Variants in SNX24 observed in about 807,000 individuals in gnomAD.
SNX24 encodes the protein sorting nexin 24.
In SNX24, 22 loss-of-function variants were observed where a neutral mutation model predicts 28.7. The observed-to-expected ratio is 0.77, with a 90% CI of 0.55 to 1.10. SNX24 has a LOEUF of 1.10. Ranked by LOEUF, SNX24 falls within the 50% of genes least tolerant of loss-of-function variation. The pLI is 0.00. For synonymous variants in SNX24, 69 were observed against 71.5 expected (o/e 0.96, Z 0.18); for missense variants, 221 against 201.1 (o/e 1.10, Z -0.60).
chr5:123,019,871 T>C (rs1316402342), intron 5 of SNX24, among the ~76,000 whole-genome samples: 1 of 152,268 alleles, frequency 6.6e-6, no homozygotes, highest in East Asian at 1.9e-4. Context: ...AGTTTGCTCA[T>C]GTTTTCTGTA....
At chr5:122,887,742 G>T (rs778169430) in intron 1 of SNX24, among the ~76,000 whole-genome samples, 6 of 152,138 alleles carry the variant, frequency 3.9e-5, no homozygotes, top group Admixed American at 1.3e-4. Context: ...CGCTCTTGTT[G>T]CCCAGGCTGG....
chr5:122,963,995 G>T (rs891915838), intron 3 of SNX24, among the ~76,000 whole-genome samples: 1 of 151,874 alleles, frequency 6.6e-6, no homozygotes, highest in Admixed American at 6.6e-5. Context: ...GTAATCCCAG[G>T]ACTTCGGGAG....
chr5:122,902,048 T>A (rs1293421379), intron 1 of SNX24, among the ~76,000 whole-genome samples: 1 of 152,240 alleles, frequency 6.6e-6, no homozygotes, highest in Admixed American at 6.5e-5. Flanking sequence ...ACAGTCATTG[T>A]CTGTCCTTCA....
intron 1 of SNX24, among the ~76,000 whole-genome samples, chr5:122,885,925 A>G (rs1478790903): frequency 6.6e-6 from 1 of 152,138 alleles, no homozygotes; most frequent in Non-Finnish European, 1.5e-5. Flanking sequence ...GATCCCTTGC[A>G]TGCACAGTTC....
intron 1 of SNX24, among the ~76,000 whole-genome samples, chr5:122,900,464 G>A (rs1212341136): frequency 7.2e-5 from 11 of 152,054 alleles, no homozygotes; most frequent in Admixed American, 6.6e-4. Flanking sequence ...AAAATGGTGT[G>A]GTATAGAAAA....
intron 1 of SNX24, among the ~76,000 whole-genome samples, chr5:122,892,942 T>A (rs563785099): frequency 2.9e-4 from 44 of 151,148 alleles, no homozygotes; most frequent in Middle Eastern, 3.4e-3. Context: ...ATTTTTGTAT[T>A]TTTAGTAGAG....
chr5:122,985,424 G>C (rs1273816919), intron 3 of SNX24, among the ~76,000 whole-genome samples: 2 of 152,110 alleles, frequency 1.3e-5, no homozygotes, highest in Non-Finnish European at 2.9e-5. Context: ...TGGTGGATCT[G>C]GGCTTGGTTT....
At chr5:122,848,107 ATG>A (rs942988115) in intron 1 of SNX24, among the ~76,000 whole-genome samples, 1 of 151,906 alleles carries the variant, frequency 6.6e-6, no homozygotes, top group African/African-American at 2.4e-5. Context: ...GTTTGTGTGA[ATG>A]TGTGTTTTTA....
intron 1 of SNX24, among the ~76,000 whole-genome samples, chr5:122,923,144 A>G (rs1168865065): frequency 6.6e-6 from 1 of 152,122 alleles, no homozygotes; most frequent in African/African-American, 2.4e-5. Context: ...CAGCCTGGGC[A>G]ACAAATCAAG....
downstream of SNX24, among the ~76,000 whole-genome samples, chr5:123,012,660 G>A (rs891681654): frequency 6.6e-6 from 1 of 152,194 alleles, no homozygotes; most frequent in African/African-American, 2.4e-5. Flanking sequence ...TTTATGTCAT[G>A]TATATTTTAC....
intron 5 of SNX24, among the ~76,000 whole-genome samples, chr5:123,019,197 G>A (rs982926): frequency 0.64 from 97,267 of 151,488 alleles, 32,585 homozygotes; most frequent in Non-Finnish European, 0.71. Flanking sequence ...TAAATCCACA[G>A]GATGAATTAC....
At chr5:122,907,514 T>G (rs1232845682) in intron 1 of SNX24, among the ~76,000 whole-genome samples, 1 of 152,170 alleles carries the variant, frequency 6.6e-6, no homozygotes, top group Non-Finnish European at 1.5e-5. Flanking sequence ...TGCCTTTTCC[T>G]TTTCTTCTGT....
chr5:122,979,914 CTT>C (rs1363795219), intron 3 of SNX24, among the ~76,000 whole-genome samples: 1 of 152,196 alleles, frequency 6.6e-6, no homozygotes, highest in Non-Finnish European at 1.5e-5. Context: ...TTTAAAATGA[CTT>C]TCCTTAATAG....
At chr5:122,913,255 G>A (rs1201097173) in intron 1 of SNX24, among the ~76,000 whole-genome samples, 12 of 152,098 alleles carry the variant, frequency 7.9e-5, no homozygotes, top group African/African-American at 1.9e-4. Flanking sequence ...GGTGGTGGCC[G>A]GGCAGAGGGG....
At chr5:122,858,684 C>A (rs865911731) in intron 1 of SNX24, among the ~76,000 whole-genome samples, 5 of 152,212 alleles carry the variant, frequency 3.3e-5, no homozygotes, top group Admixed American at 2.6e-4. Context: ...TGAGTGTTCT[C>A]AGGCTCTTGG....
chr5:122,881,659 G>A (rs937648273), intron 1 of SNX24, among the ~76,000 whole-genome samples: 6 of 151,798 alleles, frequency 4.0e-5, no homozygotes, highest in African/African-American at 1.5e-4. Flanking sequence ...ACTGAGTAGG[G>A]ATTATAATTA....
chr5:122,921,986 T>G (rs944858403), intron 1 of SNX24, among the ~76,000 whole-genome samples: 1 of 152,196 alleles, frequency 6.6e-6, no homozygotes, highest in African/African-American at 2.4e-5. Flanking sequence ...CCTTTTTCTC[T>G]CTCTCTCTTT....
At chr5:122,947,640 G>A (rs2150126561) in intron 3 of SNX24, among the ~76,000 whole-genome samples, 1 of 152,146 alleles carries the variant, frequency 6.6e-6, no homozygotes, top group South Asian at 2.1e-4. Context: ...TGAGACTGAG[G>A]AGCTATGATC....
At chr5:122,887,537 A>C (rs144597) in intron 1 of SNX24, among the ~76,000 whole-genome samples, 118,236 of 152,136 alleles carry the variant, frequency 0.78, 46,983 homozygotes, top group East Asian at 0.99. Flanking sequence ...GAGTCTTCTC[A>C]ATCTAGCCTT....
Sources: allele counts gnomAD v4.1 joint callset (sites outside exome capture counted in the v4.1 genomes callset), GRCh38; gene constraint gnomAD v4.1.1; transcripts MANE v1.5; gene names NCBI Gene and HGNC (gene_info 2026-07-23, HGNC 2026-07-21).